Variants in ADAMTS5 observed in about 807,000 individuals in gnomAD.
The protein encoded by ADAMTS5 is ADAM metallopeptidase with thrombospondin type 1 motif 5.
In ADAMTS5, 54 loss-of-function variants were observed where a neutral mutation model predicts 81.4. The ratio of observed to expected loss-of-function variants is 0.66; its 90% confidence interval spans 0.53 to 0.83. The LOEUF (loss-of-function observed/expected upper bound fraction) is 0.83, where lower values mean the gene tolerates loss of function less well. Ranked by LOEUF, ADAMTS5 falls within the 40% of genes least tolerant of loss-of-function variation. The pLI is 0.00. For synonymous variants in ADAMTS5, 532 were observed against 508.8 expected (o/e 1.05, Z -0.61); for missense variants, 1,194 against 1,229.9 (o/e 0.97, Z 0.44).
In ADAMTS5 at chr21:26,934,343, C is replaced by T; in HGVS notation, c.1689+123G>A. ...GGTAAAAGAAGAAGCTCTAAATAAA[C>T]CTCAAAATGAAAAGTTTTTAAATTA... is the stretch of plus-strand genomic sequence containing the variant. On this transcript the variant is annotated intron_variant, in intron 4 of 7. Transcript: ENST00000284987. 3.1e-6 allele frequency: 4 copies of T among 1,290,622 alleles called. No individual in the cohort carries two copies. In the South Asian group the frequency reaches 4.6e-5, roughly 15 times the overall value. The allele number at this position is 1,290,622 out of a possible 1,614,324, so 79.9% of individuals were successfully genotyped here.
chr21:26,926,027 G>A (rs1986800042), intron 7 of ADAMTS5, among the ~76,000 whole-genome samples: 1 of 152,226 alleles, frequency 6.6e-6, no homozygotes, highest in African/African-American at 2.4e-5. Context: ...TTCAAAGAAA[G>A]TCAAAAGGGA....
At chr21:26,949,359 TTTATTTATTTATTAC>T (rs1987277095) in intron 2 of ADAMTS5, among the ~76,000 whole-genome samples, 1 of 151,910 alleles carries the variant, frequency 6.6e-6, no homozygotes, top group Admixed American at 6.6e-5. Context: ...CCTTGGCTAA[TTTATTTATTTATTAC>T]TTATTTATTT....
intron 2 of ADAMTS5, among the ~76,000 whole-genome samples, chr21:26,946,187 G>A (rs1186480527): frequency 6.6e-6 from 1 of 152,174 alleles, no homozygotes; most frequent in Non-Finnish European, 1.5e-5. Context: ...AGATCAATGT[G>A]AGGGATGTTT....
chr21:26,930,449 C>G (rs1044606583), intron 6 of ADAMTS5, among the ~76,000 whole-genome samples: 1 of 152,136 alleles, frequency 6.6e-6, no homozygotes, highest in Non-Finnish European at 1.5e-5. Flanking sequence ...TGCAAAGATC[C>G]TTCTTTGTTG....
chr21:26,931,670 T>C (rs1301945124), intron 6 of ADAMTS5, among the ~76,000 whole-genome samples: 4 of 152,224 alleles, frequency 2.6e-5, no homozygotes, highest in African/African-American at 7.2e-5. Flanking sequence ...TGGTCTCCTT[T>C]ACAATGCTGC....
At position 26,965,636 on chromosome 21, in the gene ADAMTS5, C is replaced by A; in HGVS notation, c.756G>T (p.Pro252=). Residue 252 remains proline, a synonymous_variant, in exon 1 of 8, where the codon CCG becomes CCT. Coordinates refer to ENST00000284987, the MANE Select transcript of ADAMTS5 (RefSeq NM_007038.5). ...SALSPAGGSG[P]QTWWRRRRRS... Reference sequence around the variant, plus strand: ...GGCGCCGCCGCCGCCACCACGTCTGCGGTCCTGAGCCCCCAGCGGGCGAGA... The same window carrying A: ...GGCGCCGCCGCCGCCACCACGTCTGAGGTCCTGAGCCCCCAGCGGGCGAGA... 6.3e-7 allele frequency: 1 copy of A among 1,595,560 alleles called. No homozygotes were observed. The highest frequency in any genetic ancestry group is 8.5e-7 in the Non-Finnish European group (1 of 1,173,008).
chr21:26,920,871 G>T lies in ADAMTS5; in HGVS notation c.*3182C>A, dbSNP rs1479305186. The T allele has an allele frequency of 6.6e-6, 1 of 152,220 alleles. No homozygotes were observed. The highest frequency in any genetic ancestry group is 2.4e-5 in the African/African-American group (1 of 41,414). The allele number at this position is 152,220 out of a possible 1,614,324, so 9.4% of individuals were successfully genotyped here. Reference sequence around the variant, plus strand: ...TTAAAATTTCCTTGGAAAGAAAAATGATAGTATCAGAATAAGAATACATGA... The same window carrying T: ...TTAAAATTTCCTTGGAAAGAAAAATTATAGTATCAGAATAAGAATACATGA... On this transcript the variant is annotated 3_prime_UTR_variant, in exon 8 of 8. Coordinates refer to ENST00000284987, the MANE Select transcript of ADAMTS5 (RefSeq NM_007038.5).
chr21:26,920,019 A>G lies in ADAMTS5; in HGVS notation c.*4034T>C, dbSNP rs1010948525. ...AGGTATTTGTAAAGCATCTTTCATT[A>G]TAAAGAGATTAGTAATATTCACCAA... On this transcript the variant is annotated 3_prime_UTR_variant, in exon 8 of 8. Transcript: ENST00000284987. 2.0e-5 allele frequency: 3 copies of G among 151,780 alleles called. No homozygotes were observed. The highest frequency in any genetic ancestry group is 4.4e-5 in the Non-Finnish European group (3 of 68,006). The allele number at this position is 151,780 out of a possible 1,614,324, so 9.4% of individuals were successfully genotyped here. A position where few individuals can be genotyped will look rare whatever the true frequency, so the allele number is the denominator to read the frequency against.
At chr21:26,942,075 A>T (rs1987124844) in intron 3 of ADAMTS5, among the ~76,000 whole-genome samples, 1 of 152,074 alleles carries the variant, frequency 6.6e-6, no homozygotes, top group South Asian at 2.1e-4. Flanking sequence ...ACCAAGCTGG[A>T]CTCAGATTGC....
At position 26,943,450 on chromosome 21, in the gene ADAMTS5, G is replaced by C. The variant is rs1987152783; in HGVS notation, c.1335C>G (p.Ser445Arg). 4.3e-6 allele frequency: 7 copies of C among 1,613,712 alleles called. No individual in the cohort carries two copies. Among genetic ancestry groups the C allele is most frequent in the Non-Finnish European group, 5.1e-6 (6 of 1,179,710 alleles). Reference sequence around the variant, plus strand: ...TGGACCAGGGCTTAGATGCATCAATGCTGGTAAGGATGGAAGACATTAAGC... The same window carrying C: ...TGGACCAGGGCTTAGATGCATCAATCCTGGTAAGGATGGAAGACATTAAGC... Reference protein sequence around the residue: ...DKRLMSSILTSIDASKPWSKC... With the variant: ...DKRLMSSILTRIDASKPWSKC... The change falls in exon 3 of 8, where the codon AGC becomes AGG. Residue 445 changes from serine (S) to arginine (R), a missense_variant. By Grantham distance (110) the Ser-to-Arg change is moderately radical. Transcript: ENST00000284987.
rs746514475 is a variant in ADAMTS5 at position 26,965,292 on chromosome 21, C to G, written c.1100G>C (p.Arg367Pro). Reference protein sequence around the residue: ...EHYDAAILFTREDLCGHHSCD... With the variant: ...EHYDAAILFTPEDLCGHHSCD... ...CCGCATCCCGGCTGGACCTACCTCC[C>G]GAGTAAACAGGATAGCTGCATCGTA... is the stretch of plus-strand genomic sequence containing the variant. Residue 367 changes from arginine (R) to proline (P), a missense_variant, in exon 1 of 8, where the codon CGG becomes CCG. Arg to Pro is a moderately radical substitution (Grantham distance 103). Around this residue, in one of 2 missense-constraint regions of ADAMTS5, gnomAD observed 696 missense variants for 817.6 expected, o/e 0.85. Transcript: ENST00000284987. 3 of 1,607,532 alleles carry G rather than the reference C, an allele frequency of 1.9e-6. No homozygotes were observed. Among genetic ancestry groups the G allele is most frequent in the Non-Finnish European group, 1.7e-6 (2 of 1,174,976 alleles).
intron 1 of ADAMTS5, 120 bp downstream of exon 1, chr21:26,965,168 G>T: frequency 7.2e-7 from 1 of 1,379,660 alleles, no homozygotes; most frequent in Non-Finnish European, 9.8e-7. Flanking sequence ...CCTGCAAGAA[G>T]CAGTTAAACA....
chr21:26,963,315 C>T (rs73899347), intron 1 of ADAMTS5, among the ~76,000 whole-genome samples: 41 of 151,810 alleles, frequency 2.7e-4, no homozygotes, highest in African/African-American at 8.7e-4. Context: ...AAAACAAATT[C>T]GGAAAAAGTA....
At chr21:26,958,184 G>A (rs1030100824) in intron 1 of ADAMTS5, among the ~76,000 whole-genome samples, 1 of 152,198 alleles carries the variant, frequency 6.6e-6, no homozygotes, top group African/African-American at 2.4e-5. Flanking sequence ...CAAATACGCT[G>A]AGGGAGGGAG....
chr21:26,962,208 G>A (rs1196446580), intron 1 of ADAMTS5, among the ~76,000 whole-genome samples: 1 of 109,332 alleles, frequency 9.1e-6, no homozygotes, highest in Admixed American at 8.2e-5. Flanking sequence ...AGAGCAAATG[G>A]TCTAAAAAAA....
At position 26,922,566 on chromosome 21, in the gene ADAMTS5, A is replaced by T. The variant is rs1986719862; in HGVS notation, c.*1487T>A. The T allele has an allele frequency of 6.6e-6, 1 of 152,088 alleles. No homozygotes were observed. The highest frequency in any genetic ancestry group is 1.5e-5 in the Non-Finnish European group (1 of 67,956). The allele number at this position is 152,088 out of a possible 1,614,324, so 9.4% of individuals were successfully genotyped here. On this transcript the variant is annotated 3_prime_UTR_variant, in exon 8 of 8. Coordinates refer to ENST00000284987, the MANE Select transcript of ADAMTS5 (RefSeq NM_007038.5). ...GAAATCAAACAACTTAGATTTTCTA[A>T]GTTGTGAGGTTGGTGATGGGGGGGT...
chr21:26,962,952 A>C (rs1987557208), intron 1 of ADAMTS5, among the ~76,000 whole-genome samples: 1 of 152,034 alleles, frequency 6.6e-6, no homozygotes, highest in Non-Finnish European at 1.5e-5. Flanking sequence ...AATGCCTTGA[A>C]ATTTTTTTCA....
chr21:26,962,925 CAAAT>C (rs1040448117), intron 1 of ADAMTS5, among the ~76,000 whole-genome samples: 33 of 151,934 alleles, frequency 2.2e-4, no homozygotes, highest in African/African-American at 4.1e-4. Flanking sequence ...GAAATACTCT[CAAAT>C]GAATGCTGCA....
At chr21:26,951,945 A>AT (rs1987327558) in intron 2 of ADAMTS5, among the ~76,000 whole-genome samples, 1 of 152,070 alleles carries the variant, frequency 6.6e-6, no homozygotes, top group African/African-American at 2.4e-5. Flanking sequence ...TTGAAGGCTT[A>AT]TTTTTTATAA....
Sources: allele counts gnomAD v4.1 joint callset (sites outside exome capture counted in the v4.1 genomes callset), GRCh38; gene constraint gnomAD v4.1.1; regional missense constraint gnomAD v4.1.1; transcripts MANE v1.5; gene names NCBI Gene and HGNC (gene_info 2026-07-23, HGNC 2026-07-21).